TRIP12: variants seen among roughly 807,000 people sequenced by gnomAD.
TRIP12 encodes the protein E3 ubiquitin-protein ligase TRIP12.
Under a neutral mutation model 244.2 loss-of-function variants are expected in TRIP12, and 25 were observed. The observed-to-expected ratio is 0.10, with a 90% CI of 0.07 to 0.14. TRIP12 has a LOEUF of 0.14. TRIP12 is among the 10% of genes least tolerant of loss of function. The probability of loss-of-function intolerance (pLI) is 1.00; values close to 1 mark genes in which losing one functional copy is unlikely to be tolerated. For missense variants in TRIP12, 1,677 were observed against 2,486.4 expected (o/e 0.67, Z 6.92); for synonymous variants, 905 against 873.1 (o/e 1.04, Z -0.64).
Position 229,778,411 on chromosome 2 carries a change from AAGC to A in TRIP12, c.5364+19_5364+21del. The stretch of plus-strand genomic sequence containing the variant: ...GAACATTCTACACCAAAACTGCAAA[AAGC>A]AAACCATCCTAAACTTACCAATCTG... On this transcript the variant is annotated intron_variant, in intron 36 of 41. Coordinates refer to ENST00000675903, the MANE Select transcript of TRIP12 (RefSeq NM_001348323.3). The surrounding 1 kb of genome is among the most constrained non-coding windows in gnomAD (Gnocchi z 4.1). 1 of 1,613,346 alleles carries A rather than the reference AAGC, an allele frequency of 6.2e-7. No individual in the cohort carries two copies.
At chr2:229,818,991 C>T (rs529556717) in intron 8 of TRIP12, among the ~76,000 whole-genome samples, 2 of 148,818 alleles carry the variant, frequency 1.3e-5, no homozygotes, top group South Asian at 4.3e-4. Flanking sequence ...AACACAACAA[C>T]GTATCTAACA....
At chr2:229,838,487 C>G (rs777644700) in intron 5 of TRIP12, among the ~76,000 whole-genome samples, 8 of 152,194 alleles carry the variant, frequency 5.3e-5, no homozygotes, top group Non-Finnish European at 8.8e-5. Flanking sequence ...AGACGGCCTG[C>G]GCACAGCATG....
In TRIP12 at chr2:229,778,934, T is replaced by C. The variant is rs1377663781; in HGVS notation, c.5151A>G (p.Leu1717=). 2 of 1,613,960 alleles carry C rather than the reference T, an allele frequency of 1.2e-6. No individual in the cohort carries two copies. Among genetic ancestry groups the C allele is most frequent in the Non-Finnish European group, 8.5e-7 (1 of 1,179,850 alleles). Residue 1717 remains leucine, a synonymous_variant, in exon 35 of 42, where the codon CTA becomes CTG. Transcript: ENST00000675903. The surrounding 1 kb of genome is among the most constrained non-coding windows in gnomAD (Gnocchi z 4.1). ...TCCAAAGACCCAAGTCAGCTCTCTG[T>C]AGTTCCTGAGATACAAGCGCATAAA... ...LEFYALVSQE[L]QRADLGLWRG... is the part of the protein sequence containing the mutation.
chr2:229,775,171 T>G (rs2035826168), intron 37 of TRIP12, among the ~76,000 whole-genome samples: 1 of 152,162 alleles, frequency 6.6e-6, no homozygotes, highest in South Asian at 2.1e-4. Flanking sequence ...TAGTCATTTT[T>G]TAAAGAGCAA....
chr2:229,852,330 CCAT>C (rs1276550480), intron 4 of TRIP12, among the ~76,000 whole-genome samples: 3 of 152,048 alleles, frequency 2.0e-5, no homozygotes, highest in Admixed American at 6.5e-5. Context: ...TAATTCTATA[CCAT>C]CATCATCTAC....
At chr2:229,801,513 G>A (rs968841485) in intron 21 of TRIP12, among the ~76,000 whole-genome samples, 1 of 152,172 alleles carries the variant, frequency 6.6e-6, no homozygotes. Context: ...AAAGAGTACT[G>A]AAGTGAATAC....
upstream of TRIP12, chr2:229,922,327 C>T: frequency 1.6e-6 from 1 of 607,122 alleles, no homozygotes; most frequent in Non-Finnish European, 2.9e-6. Flanking sequence ...CACCCGGGAC[C>T]TGGAGCTGGA....
intron 21 of TRIP12, among the ~76,000 whole-genome samples, chr2:229,801,826 C>T (rs1160205578): frequency 1.3e-5 from 2 of 152,066 alleles, no homozygotes; most frequent in Non-Finnish European, 2.9e-5. Flanking sequence ...GGCCTTTATT[C>T]TAAGACTTCT....
At position 229,792,243 on chromosome 2, in the gene TRIP12, A is replaced by C. The variant is rs1391552078; in HGVS notation, c.4142-17T>G. 1.2e-6 allele frequency: 2 copies of C among 1,610,608 alleles called. No homozygotes were observed. Among genetic ancestry groups the C allele is most frequent in the African/African-American group, 1.3e-5 (1 of 74,556 alleles). ...TTCCATACCCTGAAGACCCAAGTAG[A>C]CTTTTAAACTCTTAGCGATTTTAGG... On this transcript the variant is annotated splice_polypyrimidine_tract_variant and intron_variant, in intron 27 of 41. Transcript: ENST00000675903.
intron 3 of TRIP12, among the ~76,000 whole-genome samples, 182 bp from the exon 4 acceptor site, chr2:229,859,756 T>G (rs1035584502): frequency 6.6e-6 from 1 of 152,230 alleles, no homozygotes; most frequent in South Asian, 2.1e-4. Context: ...AGATGTGACT[T>G]TGGATACTAA....
chr2:229,797,116 G>GA (rs2043008146), intron 24 of TRIP12, among the ~76,000 whole-genome samples: 1 of 152,092 alleles, frequency 6.6e-6, no homozygotes, highest in Non-Finnish European at 1.5e-5. Context: ...ATGGAAAGAT[G>GA]AATCAAGAAT....
At chr2:229,807,917 G>A (rs2046281635) in intron 16 of TRIP12, 53 bp from the exon 17 acceptor site, 8 of 1,517,584 alleles carry the variant, frequency 5.3e-6, no homozygotes, top group Admixed American at 2.0e-5. Context: ...ATTAGTAAAC[G>A]TTAGGTCTCT....
chr2:229,789,640 T>G lies in TRIP12; in HGVS notation c.4666A>C (p.Ile1556Leu), dbSNP rs1253864744. ...TACAAGTAATACCAGTATCGACTGA[T>G]AGCATGTAAAACTCTTAAAAGAAGG... ...VILLLRVLHA[I>L]SRYWYYLYDN... The change falls in exon 31 of 42, where the codon ATC (isoleucine) becomes CTC (leucine). Residue 1556 changes from isoleucine to leucine, a missense_variant. Coordinates refer to ENST00000675903, the MANE Select transcript of TRIP12 (RefSeq NM_001348323.3). 1.3e-5 allele frequency: 21 copies of G among 1,614,008 alleles called. No individual in the cohort carries two copies. The highest frequency in any genetic ancestry group is 1.5e-5 in the Non-Finnish European group (18 of 1,179,936).
At chr2:229,836,237 A>T (rs1004889933) in intron 6 of TRIP12, among the ~76,000 whole-genome samples, 1 of 152,156 alleles carries the variant, frequency 6.6e-6, no homozygotes, top group Admixed American at 6.5e-5. Flanking sequence ...TGATTTTAAC[A>T]TTTTTTTATC....
intron 1 of TRIP12, among the ~76,000 whole-genome samples, chr2:229,885,578 G>A (rs1423467983): frequency 6.6e-6 from 1 of 152,176 alleles, no homozygotes; most frequent in African/African-American, 2.4e-5. Flanking sequence ...AGTGTGGTAA[G>A]GGGCAGCATA....
At chr2:229,832,690 G>A (rs145267683) in intron 6 of TRIP12, among the ~76,000 whole-genome samples, 125 of 152,334 alleles carry the variant, frequency 8.2e-4, no homozygotes, top group Admixed American at 1.0e-3. Flanking sequence ...GCCAAGGTCA[G>A]ATAGCTAGTT....
intron 2 of TRIP12, among the ~76,000 whole-genome samples, chr2:229,866,170 C>T (rs1455450759): frequency 6.6e-6 from 1 of 152,168 alleles, no homozygotes; most frequent in Non-Finnish European, 1.5e-5. Flanking sequence ...AGGTGAAAAA[C>T]GTGCTTGCAA....
upstream of TRIP12, chr2:229,922,038 G>GCCGCCTCCCTCC (rs1407630078): frequency 1.3e-5 from 2 of 152,856 alleles, no homozygotes; most frequent in Non-Finnish European, 2.9e-5. Context: ...CTCCGCCCGT[G>GCCGCCTCCCTCC]CCGCCTCCCT....
chr2:229,815,139 G>A lies in TRIP12; in HGVS notation c.1691C>T (p.Ser564Phe), dbSNP rs1469794393. The A allele has an allele frequency of 1.2e-6, 2 of 1,613,074 alleles. No homozygotes were observed. The highest frequency in any genetic ancestry group is 1.7e-5 in the Admixed American group (1 of 59,886). Residue 564 changes from serine to phenylalanine, a missense_variant, in exon 11 of 42, where the codon TCT becomes TTT. Transcript: ENST00000675903. ...AGGAATAGCATCTACTACAACAGCA[G>A]AAGATCGAGGAAGTGCTTCCATCAT... is the stretch of plus-strand genomic sequence containing the variant. ...TYMMEALPRS[S>F]AVVVDAIPVF...
Sources: gnomAD v4.1 joint callset for allele counts (sites outside exome capture counted in the v4.1 genomes callset) on GRCh38, gnomAD v4.1.1 for gene constraint, Gnocchi (gnomAD v3.1) non-coding constraint, MANE v1.5 for transcripts, NCBI Gene and HGNC (gene_info 2026-07-23, HGNC 2026-07-21) for gene names.